The following C8orf34 variants were observed in gnomAD, a reference collection of about 807,000 sequenced individuals.
C8orf34 encodes uncharacterized protein C8orf34.
A neutral mutation model predicts 68.3 loss-of-function variants in C8orf34; 65 were observed. That is an observed-to-expected ratio of 0.95 (90% CI 0.78 to 1.17). The LOEUF is 1.17. C8orf34 is among the 50% of genes most tolerant of loss of function. The probability of loss-of-function intolerance (pLI) is 0.00; values close to 1 mark genes in which losing one functional copy is unlikely to be tolerated. For missense variants in C8orf34, 664 were observed against 655.4 expected, an observed-to-expected ratio of 1.01 and a Z score of -0.14; for synonymous variants, 244 against 241.2, an observed-to-expected ratio of 1.01 and a Z score of -0.11.
At chr8:68,377,929 A>G (rs1807873031) in intron 1 of C8orf34, among the ~76,000 whole-genome samples, 1 of 152,128 alleles carries the variant, frequency 6.6e-6, no homozygotes. Context: ...AAGCAGGGGA[A>G]ATGCCAGATG....
At chr8:68,474,068 T>G (rs1812494643) in intron 4 of C8orf34, among the ~76,000 whole-genome samples, 1 of 152,188 alleles carries the variant, frequency 6.6e-6, no homozygotes, top group Non-Finnish European at 1.5e-5. Context: ...CTTTGTTCTT[T>G]CAAGTGCTCT....
intron 10 of C8orf34, among the ~76,000 whole-genome samples, chr8:68,745,415 C>T (rs964263796): frequency 2.0e-5 from 3 of 152,040 alleles, no homozygotes; most frequent in African/African-American, 7.2e-5. Context: ...GGACTAAATG[C>T]TCCAATTAAA....
chr8:68,611,159 C>T (rs1818011690), intron 7 of C8orf34, among the ~76,000 whole-genome samples: 1 of 152,094 alleles, frequency 6.6e-6, no homozygotes, highest in South Asian at 2.1e-4. Flanking sequence ...CCACTGTGCC[C>T]AGCCTACAGT....
intron 1 of C8orf34, among the ~76,000 whole-genome samples, chr8:68,435,501 C>T (rs554189482): frequency 6.6e-6 from 1 of 152,150 alleles, no homozygotes; most frequent in African/African-American, 2.4e-5. Flanking sequence ...CTGGAAGCTG[C>T]GGCAATTCTT....
intron 3 of C8orf34, among the ~76,000 whole-genome samples, chr8:68,461,826 A>C (rs960407056): frequency 8.6e-4 from 131 of 152,326 alleles, no homozygotes; most frequent in African/African-American, 2.9e-3. Context: ...AGTACCAGCC[A>C]CTGCAAAATC....
chr8:68,624,075 A>T (rs556159717), intron 7 of C8orf34, among the ~76,000 whole-genome samples: 47 of 152,128 alleles, frequency 3.1e-4, no homozygotes, highest in African/African-American at 1.1e-3. Context: ...GTTCGAGACT[A>T]GCCTGGTCAA....
chr8:68,704,518 G>A (rs961716011), intron 8 of C8orf34, among the ~76,000 whole-genome samples: 2 of 152,054 alleles, frequency 1.3e-5, no homozygotes, highest in East Asian at 1.9e-4. Flanking sequence ...AATGACTTAC[G>A]AAGGAAGCCA....
At chr8:68,794,188 A>G (rs11996658) in intron 12 of C8orf34, among the ~76,000 whole-genome samples, 19,585 of 151,446 alleles carry the variant, frequency 0.13, 1,752 homozygotes, top group East Asian at 0.46. Context: ...CTTTGAGACA[A>G]TGTGACAGGG....
intron 4 of C8orf34, among the ~76,000 whole-genome samples, chr8:68,479,145 AT>A (rs1465742512): frequency 6.6e-6 from 1 of 152,154 alleles, no homozygotes; most frequent in Non-Finnish European, 1.5e-5. Flanking sequence ...ATAAAGAATA[AT>A]TTTAAGAATA....
At chr8:68,675,867 C>T (rs555353783) in intron 8 of C8orf34, among the ~76,000 whole-genome samples, 5 of 152,208 alleles carry the variant, frequency 3.3e-5, no homozygotes, top group East Asian at 3.9e-4. Context: ...TGTAAAGACA[C>T]ACAGACTGAA....
intron 7 of C8orf34, 54 bp downstream of exon 7, chr8:68,533,203 A>T (rs1815323331): frequency 1.3e-6 from 2 of 1,532,290 alleles, no homozygotes; most frequent in Non-Finnish European, 1.7e-6. Flanking sequence ...TGTAAAAAAA[A>T]CGTGTGGTGA....
At chr8:68,585,333 A>G (rs1007986283) in intron 7 of C8orf34, among the ~76,000 whole-genome samples, 1 of 152,176 alleles carries the variant, frequency 6.6e-6, no homozygotes, top group Non-Finnish European at 1.5e-5. Flanking sequence ...AAAGGTAGGA[A>G]GGAATTTTAT....
At chr8:68,331,812 T>TTTTTTTTTTG (rs900067417) in intron 1 of C8orf34, among the ~76,000 whole-genome samples, 1 of 116,382 alleles carries the variant, frequency 8.6e-6, no homozygotes, top group African/African-American at 3.4e-5. Context: ...TTTTTTTTTT[T>TTTTTTTTTTG]AATGAGGGCG....
At chr8:68,595,482 C>T (rs1817517447) in intron 7 of C8orf34, among the ~76,000 whole-genome samples, 1 of 151,816 alleles carries the variant, frequency 6.6e-6, no homozygotes, top group Admixed American at 6.6e-5. Context: ...TATTTTTTGT[C>T]TCTCAATGCT....
chr8:68,639,547 C>T (rs1417102465), intron 7 of C8orf34, among the ~76,000 whole-genome samples: 1 of 151,946 alleles, frequency 6.6e-6, no homozygotes, highest in African/African-American at 2.4e-5. Flanking sequence ...TATGTTATGC[C>T]TTCAATAATG....
chr8:68,463,203 A>C (rs1000185229), intron 3 of C8orf34, among the ~76,000 whole-genome samples: 1 of 152,174 alleles, frequency 6.6e-6, no homozygotes, highest in Non-Finnish European at 1.5e-5. Flanking sequence ...GAAATGGATA[A>C]ATTCCTTGAC....
chr8:68,544,986 C>A (rs537466824), intron 7 of C8orf34, among the ~76,000 whole-genome samples: 104 of 152,084 alleles, frequency 6.8e-4, no homozygotes, highest in Non-Finnish European at 1.3e-3. Context: ...AAATAATGTC[C>A]ATTTTATCCC....
At chr8:68,603,518 CATAT>C (rs1217375640) in intron 7 of C8orf34, among the ~76,000 whole-genome samples, 54 of 94,892 alleles carry the variant, frequency 5.7e-4, no homozygotes, top group Admixed American at 1.2e-3. Flanking sequence ...TGTATATATA[CATAT>C]ATCTATCTAT....
At chr8:68,666,589 A>G (rs7846438) in intron 8 of C8orf34, among the ~76,000 whole-genome samples, 33,003 of 152,176 alleles carry the variant, frequency 0.22, 3,872 homozygotes, top group Middle Eastern at 0.35. Flanking sequence ...TTGTTTTGGT[A>G]GCCACACAAC....
Sources: gnomAD v4.1 joint callset for allele counts (sites outside exome capture counted in the v4.1 genomes callset) on GRCh38, gnomAD v4.1.1 for gene constraint, MANE v1.5 for transcripts, NCBI Gene and HGNC (gene_info 2026-07-23, HGNC 2026-07-21) for gene names.